SNTG1: variants seen among roughly 807,000 people sequenced by gnomAD.
SNTG1 encodes the protein syntrophin gamma 1.
SNTG1 carries 39 observed loss-of-function variants against 74.7 expected under a neutral mutation model. The ratio of observed to expected loss-of-function variants is 0.52; its 90% CI spans 0.40 to 0.68. The LOEUF (loss-of-function observed/expected upper bound fraction) is 0.68. Ranked by LOEUF, SNTG1 falls within the 30% of genes least tolerant of loss-of-function variation. SNTG1 has a pLI of 0.00. For synonymous variants in SNTG1, 254 were observed against 217.1 expected, an observed-to-expected ratio of 1.17 and a Z score of -1.49; for missense variants, 685 against 609.5, an observed-to-expected ratio of 1.12 and a Z score of -1.30.
At chr8:50,709,027 T>C in intron 17 of SNTG1, 49 bp downstream of exon 17, 1 of 1,332,084 alleles carries the variant, frequency 7.5e-7, no homozygotes, top group Non-Finnish European at 1.1e-6. Context: ...ACATTCTAAT[T>C]GAAGAATGAT....
chr8:50,730,043 A>C (rs2095509338), intron 17 of SNTG1, among the ~76,000 whole-genome samples: 1 of 152,176 alleles, frequency 6.6e-6, no homozygotes, highest in African/African-American at 2.4e-5. Context: ...ATAAGAAAAA[A>C]TGAGAGCGAT....
chr8:50,264,258 T>C (rs2087339203), intron 2 of SNTG1, among the ~76,000 whole-genome samples: 1 of 152,094 alleles, frequency 6.6e-6, no homozygotes, highest in Non-Finnish European at 1.5e-5. Context: ...TTAATAACCA[T>C]AATTTTATCT....
At chr8:50,792,544 A>G (rs930468417) in intron 18 of SNTG1, 127 bp from the exon 19 acceptor site, 2 of 969,892 alleles carry the variant, frequency 2.1e-6, no homozygotes, top group Admixed American at 2.6e-5. Context: ...ATTTGAAATT[A>G]GTTTCCACAT....
chr8:50,333,926 C>A (rs1176265115), intron 2 of SNTG1, among the ~76,000 whole-genome samples: 3 of 152,202 alleles, frequency 2.0e-5, no homozygotes, highest in Admixed American at 2.0e-4. Flanking sequence ...TGCATACAAT[C>A]TTACATGGAT....
intron 1 of SNTG1, among the ~76,000 whole-genome samples, chr8:50,032,864 A>G (rs903110777): frequency 3.9e-5 from 6 of 152,094 alleles, no homozygotes; most frequent in Admixed American, 3.9e-4. Context: ...AAAGGATATA[A>G]TCAAATTTTT....
chr8:50,444,366 T>C (rs2093385998), intron 5 of SNTG1, among the ~76,000 whole-genome samples: 1 of 152,172 alleles, frequency 6.6e-6, no homozygotes, highest in African/African-American at 2.4e-5. Context: ...TGCATACATT[T>C]TTCTGCATTC....
chr8:50,161,250 T>C (rs2082406871), intron 1 of SNTG1, among the ~76,000 whole-genome samples: 1 of 152,190 alleles, frequency 6.6e-6, no homozygotes, highest in Non-Finnish European at 1.5e-5. Flanking sequence ...TATGGAACAC[T>C]ATATGATCAG....
At chr8:50,792,074 T>C (rs1378381161) in intron 18 of SNTG1, among the ~76,000 whole-genome samples, 1 of 147,970 alleles carries the variant, frequency 6.8e-6, no homozygotes, top group African/African-American at 2.6e-5. Flanking sequence ...TAGTGAGCTC[T>C]AGTTTATTTT....
At chr8:50,447,699 C>T (rs1425153282) in intron 5 of SNTG1, among the ~76,000 whole-genome samples, 1 of 151,970 alleles carries the variant, frequency 6.6e-6, no homozygotes, top group Non-Finnish European at 1.5e-5. Flanking sequence ...AATGTCTGCA[C>T]CCTGAAGAAA....
rs1043372648 is a variant in SNTG1, at chr8:50,508,075, C to T, written c.466+5195C>T. 2.6e-5 allele frequency among the ~76,000 whole-genome samples: 4 copies of T among 152,016 alleles called. No individual in the cohort carries two copies. The East Asian group carries it at 7.7e-4, about 29-fold the overall frequency. On this transcript the variant is annotated intron_variant, in intron 9 of 18. Transcript: ENST00000642720. ...TAATGCTATCCCTCCCCACTCCCCA[C>T]TCCCCTCAACAGGCTACGGTATGTG...
chr8:50,212,996 A>C (rs2084595837), intron 2 of SNTG1, among the ~76,000 whole-genome samples: 1 of 152,164 alleles, frequency 6.6e-6, no homozygotes, highest in African/African-American at 2.4e-5. Context: ...AATAAACTCC[A>C]TTTGGAAATA....
At chr8:50,561,726 C>T (rs1483646) in intron 12 of SNTG1, among the ~76,000 whole-genome samples, 92,262 of 152,020 alleles carry the variant, frequency 0.61, 30,742 homozygotes, top group East Asian at 0.79. Context: ...TAATAGATTA[C>T]GGAATCAGAA....
intron 2 of SNTG1, among the ~76,000 whole-genome samples, chr8:50,176,746 G>T (rs2083013117): frequency 6.6e-6 from 1 of 152,180 alleles, no homozygotes; most frequent in East Asian, 1.9e-4. Flanking sequence ...ATCAACTGAA[G>T]GGAACATTTC....
chr8:50,493,399 T>C (rs936939010), intron 8 of SNTG1, among the ~76,000 whole-genome samples: 1 of 152,206 alleles, frequency 6.6e-6, no homozygotes, highest in African/African-American at 2.4e-5. Context: ...TGCAGACTTT[T>C]CTGGGACTTT....
chr8:50,786,667 T>C (rs1450354132), intron 18 of SNTG1, among the ~76,000 whole-genome samples: 1 of 151,918 alleles, frequency 6.6e-6, no homozygotes, highest in Non-Finnish European at 1.5e-5. Context: ...TGGAATACAA[T>C]TGAGAGTCTA....
chr8:50,681,739 T>C (rs1317611485), intron 15 of SNTG1, among the ~76,000 whole-genome samples: 1 of 152,244 alleles, frequency 6.6e-6, no homozygotes, highest in Non-Finnish European at 1.5e-5. Flanking sequence ...TATTTCCAAC[T>C]GCCTTGCATT....
intron 2 of SNTG1, among the ~76,000 whole-genome samples, chr8:50,207,218 C>G (rs192932246): frequency 1.3e-5 from 2 of 152,232 alleles, no homozygotes; most frequent in African/African-American, 4.8e-5. Context: ...GGTTGGTAAG[C>G]TATTAATTAT....
intron 1 of SNTG1, among the ~76,000 whole-genome samples, chr8:50,139,743 A>C (rs1460452229): frequency 1.3e-5 from 2 of 152,234 alleles, no homozygotes; most frequent in Non-Finnish European, 2.9e-5. Flanking sequence ...CCATTTGAAG[A>C]AACAGCTAAT....
chr8:50,144,310 A>T (rs1396183727), intron 1 of SNTG1, among the ~76,000 whole-genome samples: 1 of 152,214 alleles, frequency 6.6e-6, no homozygotes, highest in Non-Finnish European at 1.5e-5. Flanking sequence ...AAACATAAAA[A>T]TGGAGACAAT....
Sources: allele counts gnomAD v4.1 joint callset (sites outside exome capture counted in the v4.1 genomes callset), GRCh38; gene constraint gnomAD v4.1.1; transcripts MANE v1.5; gene names NCBI Gene and HGNC (gene_info 2026-07-23, HGNC 2026-07-21).